The following TADA2A variants were observed in gnomAD, a reference collection of about 807,000 sequenced individuals.
The protein encoded by TADA2A is transcriptional adapter 2-alpha.
Under a neutral mutation model 67.4 loss-of-function variants are expected in TADA2A, and 38 were observed. The observed-to-expected ratio is 0.56, with a 90% CI of 0.44 to 0.74. TADA2A has a LOEUF of 0.74. TADA2A is among the 30% of genes least tolerant of loss of function. The pLI, the probability that TADA2A is intolerant of heterozygous loss-of-function variation, is 0.00. For synonymous variants in TADA2A, 192 were observed against 181.6 expected, an observed-to-expected ratio of 1.06 and a Z score of -0.46; for missense variants, 454 against 547.0, an observed-to-expected ratio of 0.83 and a Z score of 1.70.
At chr17:37,427,123 T>C (rs1190238012) in intron 4 of TADA2A, 114 bp downstream of exon 4, 4 of 796,610 alleles carry the variant, frequency 5.0e-6, no homozygotes, top group Non-Finnish European at 7.5e-6. Flanking sequence ...GAATTAGTTT[T>C]CTTAATCTCT....
intron 8 of TADA2A, among the ~76,000 whole-genome samples, chr17:37,445,640 T>C (rs1304687445): frequency 6.6e-6 from 1 of 152,224 alleles, no homozygotes; most frequent in East Asian, 1.9e-4. Context: ...ACTTATGTGG[T>C]GAATGCCAAA....
At chr17:37,476,327 A>C (rs986159438) in intron 15 of TADA2A, among the ~76,000 whole-genome samples, 2 of 152,188 alleles carry the variant, frequency 1.3e-5, no homozygotes, top group Non-Finnish European at 2.9e-5. Context: ...TAGGAAATGT[A>C]ATCCCCAAAG....
chr17:37,443,984 T>G (rs1342528910), intron 7 of TADA2A, among the ~76,000 whole-genome samples: 4 of 152,148 alleles, frequency 2.6e-5, no homozygotes, highest in Non-Finnish European at 5.9e-5. Context: ...CACCTGTAAA[T>G]CCCAGCACTT....
chr17:37,417,629 G>A (rs898555100), intron 2 of TADA2A, among the ~76,000 whole-genome samples: 1 of 151,836 alleles, frequency 6.6e-6, no homozygotes, highest in African/African-American at 2.4e-5. Context: ...CTGCCTCCTA[G>A]GTTCAAGTGA....
chr17:37,432,726 T>G (rs1328630391), intron 4 of TADA2A, among the ~76,000 whole-genome samples: 1 of 152,148 alleles, frequency 6.6e-6, no homozygotes, highest in African/African-American at 2.4e-5. Context: ...GGAGTGAAAT[T>G]GCTGGGTCAT....
intron 2 of TADA2A, among the ~76,000 whole-genome samples, chr17:37,418,519 T>C (rs2052123784): frequency 6.6e-6 from 1 of 152,166 alleles, no homozygotes; most frequent in Non-Finnish European, 1.5e-5. Context: ...GGAAGGTCAA[T>C]GTGTATTGTC....
intron 14 of TADA2A, among the ~76,000 whole-genome samples, chr17:37,472,817 G>A (rs553897760): frequency 6.6e-6 from 1 of 152,184 alleles, no homozygotes; most frequent in Non-Finnish European, 1.5e-5. Context: ...AGCCAAGATC[G>A]CACCATTGCA....
intron 1 of TADA2A, among the ~76,000 whole-genome samples, chr17:37,410,091 T>C (rs963802476): frequency 1.3e-5 from 2 of 151,436 alleles, no homozygotes; most frequent in African/African-American, 4.9e-5. Flanking sequence ...GACACAAGAA[T>C]CAAAAATGAG....
At chr17:37,431,432 C>T (rs550945331) in intron 4 of TADA2A, among the ~76,000 whole-genome samples, 1 of 152,190 alleles carries the variant, frequency 6.6e-6, no homozygotes, top group Middle Eastern at 3.4e-3. Flanking sequence ...ATTCATAGTA[C>T]GTGCTCAGAT....
rs536283735 is a variant in TADA2A at position 37,469,362 on chromosome 17, G to A, written c.896-1038G>A. On this transcript the variant is annotated intron_variant, in intron 12 of 15. Coordinates refer to ENST00000615182, the MANE Select transcript of TADA2A (RefSeq NM_001166105.3). ...AATAAGATAAAAGTGGGCTGGGCAC[G>A]GTGGCTCACACCTGTAATCCCAGCA... Among the ~76,000 whole-genome samples the A allele has an allele frequency of 4.3e-4, 65 of 151,904 alleles. 1 individual carries two copies. The highest frequency in any genetic ancestry group is 2.8e-3 in the Admixed American group (43 of 15,264).
At chr17:37,455,290 T>C (rs1352309732) in intron 8 of TADA2A, among the ~76,000 whole-genome samples, 5 of 150,672 alleles carry the variant, frequency 3.3e-5, no homozygotes, top group Admixed American at 6.7e-5. Context: ...ATTCATTTCT[T>C]AACCCTAGAG....
chr17:37,444,895 TAAGTTGCTG>T lies in TADA2A; in HGVS notation c.604+130_604+138del. 3 of 863,808 alleles carry T rather than the reference TAAGTTGCTG, an allele frequency of 3.5e-6. No homozygotes were observed. The Admixed American group carries it at 7.1e-5, about 20-fold the overall frequency. The allele number at this position is 863,808 out of a possible 1,614,324, so 53.5% of individuals were successfully genotyped here. A position where few individuals can be genotyped will look rare whatever the true frequency, so the allele number is the denominator to read the frequency against. ...TTATAGAATTCAGAAATCTAGTGGTTAAGTTGCTGAACTTACTGTGTTGTTGGATTTTGA... is the reference window on the plus strand; with the variant it reads ...TTATAGAATTCAGAAATCTAGTGGTTAACTTACTGTGTTGTTGGATTTTGA... On this transcript the variant is annotated intron_variant, in intron 8 of 15. Transcript: ENST00000615182.
rs1419016691 is a variant in TADA2A at position 37,477,413 on chromosome 17, A to G, written c.*431A>G. 1 of 156,706 alleles carries G rather than the reference A, an allele frequency of 6.4e-6. No individual in the cohort carries two copies. The highest frequency in any genetic ancestry group is 2.4e-5 in the African/African-American group (1 of 41,620). The allele number at this position is 156,706 out of a possible 1,614,324, so 9.7% of individuals were successfully genotyped here. On this transcript the variant is annotated 3_prime_UTR_variant, in exon 16 of 16. Transcript: ENST00000615182. ...TGCAGACAGATTTAAAATAAAGAGA[A>G]AGGTTTTAGAGCATAAGAAAGCTCT...
chr17:37,463,818 T>C (rs956782284), intron 10 of TADA2A, among the ~76,000 whole-genome samples: 3 of 151,674 alleles, frequency 2.0e-5, no homozygotes, highest in African/African-American at 7.3e-5. Flanking sequence ...CCAGGTGTGG[T>C]GGCAGGCGCC....
intron 11 of TADA2A, among the ~76,000 whole-genome samples, chr17:37,467,012 C>A (rs2053678275): frequency 1.3e-5 from 2 of 152,144 alleles, no homozygotes; most frequent in South Asian, 2.1e-4. Context: ...CAAAAATTAG[C>A]CGGGTGTGGT....
intron 4 of TADA2A, among the ~76,000 whole-genome samples, chr17:37,429,160 T>G (rs2052498698): frequency 6.6e-6 from 1 of 151,898 alleles, no homozygotes; most frequent in African/African-American, 2.4e-5. Context: ...CTCAAACTCC[T>G]GGGCTCAAGT....
At chr17:37,455,420 C>A (rs971447038) in intron 8 of TADA2A, among the ~76,000 whole-genome samples, 7 of 151,484 alleles carry the variant, frequency 4.6e-5, no homozygotes, top group African/African-American at 1.7e-4. Context: ...CTCACTCTGT[C>A]GCCCAGGCTG....
intron 12 of TADA2A, 110 bp downstream of exon 12, chr17:37,467,635 AC>A: frequency 1.1e-6 from 1 of 912,962 alleles, no homozygotes; most frequent in Non-Finnish European, 1.7e-6. Flanking sequence ...GCTTTCCTTT[AC>A]CAGAATGCTT....
At chr17:37,461,544 G>A (rs547708490) in intron 9 of TADA2A, among the ~76,000 whole-genome samples, 1 of 152,312 alleles carries the variant, frequency 6.6e-6, no homozygotes, top group South Asian at 2.1e-4. Context: ...GAGTACTGTA[G>A]AACTCAGTTG....
Sources: gnomAD v4.1 joint callset for allele counts (sites outside exome capture counted in the v4.1 genomes callset) on GRCh38, gnomAD v4.1.1 for gene constraint, MANE v1.5 for transcripts, NCBI Gene and HGNC (gene_info 2026-07-23, HGNC 2026-07-21) for gene names.